LAMB4: variants seen among roughly 807,000 people sequenced by gnomAD.
LAMB4 encodes laminin subunit beta-4.
Under a neutral mutation model 199.2 loss-of-function variants are expected in LAMB4, and 196 were observed. The observed-to-expected ratio is 0.98, with a 90% CI of 0.88 to 1.11. The LOEUF (loss-of-function observed/expected upper bound fraction) is 1.11. Among genes scored for constraint, LAMB4 ranks in the 50% least tolerant of loss-of-function variants. The pLI is 0.00. For synonymous variants in LAMB4, 744 were observed against 770.6 expected (o/e 0.97, Z 0.57); for missense variants, 2,080 against 2,171.2 (o/e 0.96, Z 0.83).
downstream of LAMB4, among the ~76,000 whole-genome samples, chr7:108,018,737 C>G (rs1282057241): frequency 6.6e-6 from 1 of 152,122 alleles, no homozygotes; most frequent in East Asian, 1.9e-4. Flanking sequence ...CCCTCCTACA[C>G]AGTCTGCCTT....
At chr7:108,062,220 C>G (rs1302966090) in intron 23 of LAMB4, among the ~76,000 whole-genome samples, 1 of 152,158 alleles carries the variant, frequency 6.6e-6, no homozygotes, top group African/African-American at 2.4e-5. Flanking sequence ...GTGCATCTAT[C>G]TATGTAGTAT....
At chr7:108,032,841 A>G (rs1027816296) in intron 31 of LAMB4, among the ~76,000 whole-genome samples, 1 of 151,990 alleles carries the variant, frequency 6.6e-6, no homozygotes, top group African/African-American at 2.4e-5. Flanking sequence ...ATGCATGGTG[A>G]CCATTAAAAC....
rs1318084225 is a variant in LAMB4 at position 108,116,049 on chromosome 7, A to G, written c.147T>C (p.Cys49=). 6.2e-7 allele frequency: 1 copy of G among 1,614,006 alleles called. No individual in the cohort carries two copies. The highest frequency in any genetic ancestry group is 1.3e-5 in the African/African-American group (1 of 74,936). ...AGTATTTCTGGGCTCTGCTCAGCCC[A>G]CAGGTAGAAGAAGCCATAAGCTGCG... ...RNTQLMASST[C]GLSRAQKYCI... The change falls in exon 3 of 34, where the codon TGT becomes TGC. Residue 49 remains cysteine (C), a synonymous_variant. Coordinates refer to ENST00000388781, the MANE Select transcript of LAMB4 (RefSeq NM_007356.3).
chr7:108,123,020 CATAAGCA>C, intron 2 of LAMB4, 104 bp downstream of exon 2: 1 of 879,670 alleles, frequency 1.1e-6, no homozygotes, highest in Non-Finnish European at 1.7e-6. Flanking sequence ...AGAATAGCTA[CATAAGCA>C]TACAGCACTA....
rs1280438994 is a variant in LAMB4 at position 108,103,163 on chromosome 7, A to G, written c.1061T>C (p.Leu354Pro). ...GCAGTCTTCACACACGCCCCCGCTGAGGCCACCGCTTGCCAGGTACGTAGT... is the reference window on the plus strand; with the variant it reads ...GCAGTCTTCACACACGCCCCCGCTGGGGCCACCGCTTGCCAGGTACGTAGT... ...DMTTYLASGG[L>P]SGGVCEDCQH... Residue 354 changes from leucine to proline, a missense_variant, in exon 10 of 34, where the codon CTC (leucine) becomes CCC (proline). Coordinates refer to ENST00000388781, the MANE Select transcript of LAMB4 (RefSeq NM_007356.3). The G allele has an allele frequency of 1.9e-6, 3 of 1,608,114 alleles. No homozygotes were observed. Among genetic ancestry groups the G allele is most frequent in the Non-Finnish European group, 2.5e-6 (3 of 1,177,368 alleles).
At chr7:108,044,885 G>A (rs536182696) in intron 28 of LAMB4, among the ~76,000 whole-genome samples, 10 of 150,048 alleles carry the variant, frequency 6.7e-5, no homozygotes, top group African/African-American at 2.0e-4. Context: ...TCCAGGAGGC[G>A]GAGGTTGCAG....
At chr7:108,057,456 G>A (rs2036019123) in intron 24 of LAMB4, among the ~76,000 whole-genome samples, 1 of 152,160 alleles carries the variant, frequency 6.6e-6, no homozygotes, top group Admixed American at 6.5e-5. Flanking sequence ...CATTTATAAA[G>A]GAATGGAGAG....
In LAMB4 at chr7:108,055,816, T is replaced by C. The variant is rs1336389203; in HGVS notation, c.3571A>G (p.Lys1191Glu). The C allele has an allele frequency of 6.2e-7, 1 of 1,614,220 alleles. No homozygotes were observed. Among genetic ancestry groups the C allele is most frequent in the South Asian group, 1.1e-5 (1 of 91,080 alleles). The part of the protein sequence containing the change: ...QWDHTISSLS[K>E]AVQGLMRLAA... Reference sequence around the variant, plus strand: ...AGTCTCATTAACCCTTGCACCGCTTTGGAGAGGGAAGAAATGGTGTGGTCC... The same window carrying C: ...AGTCTCATTAACCCTTGCACCGCTTCGGAGAGGGAAGAAATGGTGTGGTCC... The change falls in exon 25 of 34, where the codon AAA becomes GAA. Residue 1191 changes from lysine to glutamate, a missense_variant. Physicochemically the swap from Lys to Glu is moderately conservative, Grantham distance 56. Coordinates refer to ENST00000388781, the MANE Select transcript of LAMB4 (RefSeq NM_007356.3).
At chr7:108,128,328 A>G (rs1225327408) in intron 1 of LAMB4, among the ~76,000 whole-genome samples, 6 of 152,126 alleles carry the variant, frequency 3.9e-5, no homozygotes, top group South Asian at 2.1e-4. Context: ...ACTGAAGTCA[A>G]TAGGGTTCTG....
chr7:108,045,454 A>G (rs917588942), intron 28 of LAMB4, among the ~76,000 whole-genome samples: 3 of 152,252 alleles, frequency 2.0e-5, no homozygotes, highest in Non-Finnish European at 2.9e-5. Context: ...CATTTCATCA[A>G]CATGACATCC....
intron 31 of LAMB4, among the ~76,000 whole-genome samples, chr7:108,033,498 C>G (rs1406889169): frequency 6.6e-6 from 1 of 152,136 alleles, no homozygotes; most frequent in Non-Finnish European, 1.5e-5. Context: ...GCAACCTCCG[C>G]CCCCTGGAGG....
chr7:108,094,338 T>C (rs750539384), intron 12 of LAMB4, among the ~76,000 whole-genome samples: 45 of 152,362 alleles, frequency 3.0e-4, no homozygotes, highest in Admixed American at 7.2e-4. Flanking sequence ...TTGGCGTGGC[T>C]GACCTTTCTC....
intron 12 of LAMB4, among the ~76,000 whole-genome samples, 168 bp from the exon 13 acceptor site, chr7:108,092,584 G>C (rs2037450465): frequency 6.6e-6 from 1 of 152,154 alleles, no homozygotes; most frequent in Non-Finnish European, 1.5e-5. Flanking sequence ...ATCTTCCATG[G>C]ACACATCTCC....
chr7:108,053,839 C>A (rs2035899604), intron 25 of LAMB4, among the ~76,000 whole-genome samples: 1 of 152,146 alleles, frequency 6.6e-6, no homozygotes, highest in South Asian at 2.1e-4. Context: ...GTCCATGGGC[C>A]AAAGCTCATT....
At chr7:108,095,392 GT>G in intron 11 of LAMB4, 55 bp from the exon 12 acceptor site, 1 of 1,299,420 alleles carries the variant, frequency 7.7e-7, no homozygotes, top group East Asian at 2.3e-5. Flanking sequence ...ACTCTTGCAA[GT>G]GTACTTAATA....
intron 25 of LAMB4, among the ~76,000 whole-genome samples, chr7:108,053,681 T>C (rs1358694248): frequency 3.3e-5 from 5 of 152,226 alleles, no homozygotes; most frequent in Non-Finnish European, 5.9e-5. Flanking sequence ...AGACCTGGGC[T>C]GGGCACTCCT....
chr7:108,041,190 A>T (rs1488863382), intron 29 of LAMB4, among the ~76,000 whole-genome samples: 1 of 152,220 alleles, frequency 6.6e-6, no homozygotes, highest in Non-Finnish European at 1.5e-5. Flanking sequence ...TCAAAACCAC[A>T]ATGAGGTACC....
At chr7:108,102,081 C>G (rs919842390) in intron 10 of LAMB4, among the ~76,000 whole-genome samples, 3 of 152,056 alleles carry the variant, frequency 2.0e-5, no homozygotes, top group African/African-American at 7.2e-5. Flanking sequence ...ACTCCATGGC[C>G]CAGAAATTCC....
chr7:108,028,856 T>C (rs1024449809), intron 33 of LAMB4, among the ~76,000 whole-genome samples, 187 bp downstream of exon 33: 3 of 152,186 alleles, frequency 2.0e-5, no homozygotes, highest in East Asian at 1.9e-4. Context: ...TTAACCTTTC[T>C]AGGCAAATCC....
Sources: gnomAD v4.1 joint callset for allele counts (sites outside exome capture counted in the v4.1 genomes callset) on GRCh38, gnomAD v4.1.1 for gene constraint, MANE v1.5 for transcripts, NCBI Gene and HGNC (gene_info 2026-07-23, HGNC 2026-07-21) for gene names.